FRMD3: variants seen among roughly 807,000 people sequenced by gnomAD.
FRMD3 encodes the protein FERM domain containing 3.
In FRMD3, 33 loss-of-function variants were observed where a neutral mutation model predicts 70.2. The ratio of observed to expected loss-of-function variants is 0.47; its 90% CI spans 0.36 to 0.63. The LOEUF (loss-of-function observed/expected upper bound fraction) is 0.63. FRMD3 is among the 20% of genes least tolerant of loss of function. The pLI is 0.00. For missense variants in FRMD3, 632 were observed against 711.4 expected (o/e 0.89, Z 1.27); for synonymous variants, 279 against 255.9 (o/e 1.09, Z -0.86).
intron 1 of FRMD3, among the ~76,000 whole-genome samples, chr9:83,489,843 T>C (rs1828776503): frequency 2.0e-5 from 3 of 152,224 alleles, no homozygotes; most frequent in Non-Finnish European, 4.4e-5. Context: ...TCTCAATCAA[T>C]ATGGCAACCA....
At chr9:83,517,160 C>CA (rs956955851) in intron 1 of FRMD3, among the ~76,000 whole-genome samples, 2 of 151,766 alleles carry the variant, frequency 1.3e-5, no homozygotes, top group Admixed American at 1.3e-4. Flanking sequence ...AAAAACCCTT[C>CA]AAAAAAATCA....
At chr9:83,493,656 G>A (rs532953214) in intron 1 of FRMD3, among the ~76,000 whole-genome samples, 5 of 152,338 alleles carry the variant, frequency 3.3e-5, no homozygotes, top group East Asian at 1.9e-4. Context: ...AGATGTAAAC[G>A]TGACTTGTGA....
At chr9:83,568,637 G>C in the FRMD3 span, among the ~76,000 whole-genome samples, 88 of 151,360 alleles carry the variant, frequency 5.8e-4, no homozygotes, top group African/African-American at 2.1e-3. Context: ...CAGACGCTGT[G>C]GGGTGGAGAA....
intron 1 of FRMD3, among the ~76,000 whole-genome samples, chr9:83,529,384 A>T (rs1829749004): frequency 6.6e-6 from 1 of 152,238 alleles, no homozygotes; most frequent in Non-Finnish European, 1.5e-5. Context: ...TTCTGGGGTG[A>T]TGAAAATGTT....
chr9:83,494,586 G>C (rs1004623143), intron 1 of FRMD3, among the ~76,000 whole-genome samples: 1 of 152,046 alleles, frequency 6.6e-6, no homozygotes, highest in African/African-American at 2.4e-5. Context: ...AGTGACACAT[G>C]TTCCTTTTAG....
intron 6 of FRMD3, among the ~76,000 whole-genome samples, chr9:83,333,874 C>G (rs1823480190): frequency 6.6e-6 from 1 of 152,164 alleles, no homozygotes; most frequent in Non-Finnish European, 1.5e-5. Context: ...TTCCTCATCC[C>G]ACACTAGAAA....
intron 10 of FRMD3, among the ~76,000 whole-genome samples, chr9:83,305,419 T>C (rs1032542619): frequency 3.9e-5 from 6 of 152,098 alleles, no homozygotes; most frequent in Non-Finnish European, 7.4e-5. Flanking sequence ...ATTTCACAGA[T>C]GAAAAATAAA....
chr9:83,281,716 G>T (rs1330146537), intron 13 of FRMD3: 1 of 152,260 alleles, frequency 6.6e-6, no homozygotes, highest in Non-Finnish European at 1.5e-5. Flanking sequence ...TTCCCAGAAG[G>T]GAGCGAGCTT....
rs1000513880 is a variant in FRMD3, at chr9:83,523,255, G to T, written c.147+14830C>A. ...GGATGGAAGAGTGGATGAGTGGATG[G>T]GTGGGTTGGTGGGTGAGTGGAAGAG... On this transcript the variant is annotated intron_variant, in intron 1 of 13. Coordinates refer to ENST00000304195, the MANE Select transcript of FRMD3 (RefSeq NM_174938.6). Among the ~76,000 whole-genome samples, 9 of 152,136 alleles carry T rather than the reference G, an allele frequency of 5.9e-5. 1 individual carries two copies. Among genetic ancestry groups the T allele is most frequent in the African/African-American group, 1.4e-4 (6 of 41,492 alleles).
At chr9:83,483,119 A>G (rs1345492190) in intron 1 of FRMD3, among the ~76,000 whole-genome samples, 1 of 152,156 alleles carries the variant, frequency 6.6e-6, no homozygotes, top group Non-Finnish European at 1.5e-5. Context: ...GGTCTGGTGA[A>G]AGGTGATTGA....
At chr9:83,524,840 T>G (rs10868023) in intron 1 of FRMD3, among the ~76,000 whole-genome samples, 1 of 151,964 alleles carries the variant, frequency 6.6e-6, no homozygotes, top group Non-Finnish European at 1.5e-5. Flanking sequence ...AATACTCCAC[T>G]TATCATAACA....
chr9:83,572,447 G>A, the FRMD3 span, among the ~76,000 whole-genome samples: 70 of 152,274 alleles, frequency 4.6e-4, no homozygotes, highest in African/African-American at 1.5e-3. Context: ...AGGTGGCACC[G>A]GGGCCTTGTG....
At chr9:83,509,784 C>T (rs898372194) in intron 1 of FRMD3, among the ~76,000 whole-genome samples, 4 of 150,118 alleles carry the variant, frequency 2.7e-5, no homozygotes, top group South Asian at 2.1e-4. Flanking sequence ...CGCACACGCG[C>T]GCGCACACAC....
intron 13 of FRMD3, among the ~76,000 whole-genome samples, chr9:83,260,970 A>C (rs1044935697): frequency 6.6e-6 from 1 of 152,138 alleles, no homozygotes; most frequent in African/African-American, 2.4e-5. Context: ...AGCAATGGAC[A>C]CTGCAGAAGA....
At chr9:83,517,494 C>CAAAAAAAAAA (rs59178344) in intron 1 of FRMD3, among the ~76,000 whole-genome samples, 11 of 65,532 alleles carry the variant, frequency 1.7e-4, no homozygotes, top group East Asian at 4.8e-4. Flanking sequence ...CCTACCAATC[C>CAAAAAAAAAA]AAAAAAAAAA....
At chr9:83,346,424 G>C (rs1019466929) in intron 4 of FRMD3, among the ~76,000 whole-genome samples, 6 of 152,136 alleles carry the variant, frequency 3.9e-5, no homozygotes, top group African/African-American at 1.2e-4. Flanking sequence ...ATTATGCTAA[G>C]TGAAAAGACG....
In FRMD3 at chr9:83,345,535, A is replaced by T. The variant is rs529159820; in HGVS notation, c.375-2248T>A. Among the ~76,000 whole-genome samples the T allele has an allele frequency of 1.2e-4, 18 of 152,266 alleles. No homozygotes were observed. In the East Asian group the frequency reaches 3.3e-3, roughly 28 times the overall value. On this transcript the variant is annotated intron_variant, in intron 4 of 13. Coordinates refer to ENST00000304195, the MANE Select transcript of FRMD3 (RefSeq NM_174938.6). ...CAATTTGGGAGGCCGAGTTGGGTGG[A>T]TCACGAGGTCAACAGATGGAGACCA...
chr9:83,532,030 A>T (rs1457347398), intron 1 of FRMD3, among the ~76,000 whole-genome samples: 1 of 152,190 alleles, frequency 6.6e-6, no homozygotes, highest in African/African-American at 2.4e-5. Context: ...AGTTTCACAA[A>T]ACATTAAGAT....
chr9:83,556,196 CT>C, the FRMD3 span, among the ~76,000 whole-genome samples: 13 of 150,822 alleles, frequency 8.6e-5, no homozygotes, highest in Non-Finnish European at 1.5e-5. Flanking sequence ...CTTCACTAGC[CT>C]TTTGAAAAAA....
Sources: gnomAD v4.1 joint callset for allele counts (sites outside exome capture counted in the v4.1 genomes callset) on GRCh38, gnomAD v4.1.1 for gene constraint, MANE v1.5 for transcripts, NCBI Gene and HGNC (gene_info 2026-07-23, HGNC 2026-07-21) for gene names.